NPFFR2: variants seen among roughly 807,000 people sequenced by gnomAD.
NPFFR2 encodes G-protein coupled receptor 74.
In NPFFR2, 15 loss-of-function variants were observed where a neutral mutation model predicts 13.1. The ratio of observed to expected loss-of-function variants is 1.15; its 90% CI spans 0.77 to 1.76. The LOEUF (loss-of-function observed/expected upper bound fraction) is 1.76, where lower values mean the gene tolerates loss of function less well. NPFFR2 is among the 40% of genes most tolerant of loss of function. The pLI is 0.00. For synonymous variants in NPFFR2, 190 were observed against 175.7 expected, an observed-to-expected ratio of 1.08 and a Z score of -0.65; for missense variants, 572 against 503.5, an observed-to-expected ratio of 1.14 and a Z score of -1.30.
At chr4:72,109,382 T>C (rs1265439374) in intron 1 of NPFFR2, among the ~76,000 whole-genome samples, 1 of 152,036 alleles carries the variant, frequency 6.6e-6, no homozygotes, top group Admixed American at 6.6e-5. Flanking sequence ...TCATGTAGTA[T>C]TTGTCCTTCT....
At chr4:72,098,462 GTT>G (rs34664869) in intron 1 of NPFFR2, among the ~76,000 whole-genome samples, 4 of 151,858 alleles carry the variant, frequency 2.6e-5, no homozygotes, top group African/African-American at 9.7e-5. Flanking sequence ...AATATTATGA[GTT>G]TTTTTTGTCA....
intron 2 of NPFFR2, among the ~76,000 whole-genome samples, chr4:72,129,815 C>CGAG (rs1560420456): frequency 2.9e-5 from 1 of 34,946 alleles, no homozygotes. Context: ...TCCCTTCCCA[C>CGAG]GAGGCCATAT....
At chr4:72,035,649 C>G (rs1279729787) in intron 1 of NPFFR2, among the ~76,000 whole-genome samples, 1 of 151,946 alleles carries the variant, frequency 6.6e-6, no homozygotes, top group African/African-American at 2.4e-5. Context: ...TGTATAATGA[C>G]CATCAGAATA....
At chr4:72,113,117 AT>A (rs1463912896) in intron 1 of NPFFR2, among the ~76,000 whole-genome samples, 2 of 152,064 alleles carry the variant, frequency 1.3e-5, no homozygotes, top group African/African-American at 4.8e-5. Context: ...TTATTTGTGT[AT>A]TTTTTGAGTA....
Position 72,133,422 on chromosome 4 carries a change from A to C in NPFFR2, c.328+4503A>C, listed in dbSNP as rs577801376. Among the ~76,000 whole-genome samples, 109 of 152,212 alleles carry C rather than the reference A, an allele frequency of 7.2e-4. 1 individual carries two copies. In the Middle Eastern group the frequency reaches 0.01, roughly 14 times the overall value. ...TTTCATTACCATAGCCTTGTGGTAT[A>C]GTTTGAAGTTGGGTAGCATAATGCC... On this transcript the variant is annotated intron_variant, in intron 2 of 3. Transcript: ENST00000308744.
At chr4:72,100,943 A>T (rs767453995) in intron 1 of NPFFR2, among the ~76,000 whole-genome samples, 2 of 151,954 alleles carry the variant, frequency 1.3e-5, no homozygotes, top group African/African-American at 4.8e-5. Flanking sequence ...CTTTCTATGC[A>T]TTTTCCATCA....
At position 72,032,013 on chromosome 4, in the gene NPFFR2, C is replaced by G. The variant is rs371571027; in HGVS notation, c.-195C>G. The stretch of plus-strand genomic sequence containing the variant: ...GGAGCGCAGAGCACTCAGCGTCCAG[C>G]AGCGCGGCGGGCCAGCCTGGAGCGG... On this transcript the variant is annotated 5_prime_UTR_variant, in exon 1 of 4. Transcript: ENST00000308744. 6.2e-7 allele frequency: 1 copy of G among 1,613,686 alleles called. No individual in the cohort carries two copies. The highest frequency in any genetic ancestry group is 8.5e-7 in the Non-Finnish European group (1 of 1,179,858).
At chr4:72,071,813 G>T (rs865802345) in intron 1 of NPFFR2, among the ~76,000 whole-genome samples, 1 of 152,094 alleles carries the variant, frequency 6.6e-6, no homozygotes, top group Non-Finnish European at 1.5e-5. Context: ...ATTGCTGCAA[G>T]CCCTTCCCCT....
In NPFFR2 at chr4:72,046,698, G is replaced by A. The variant is rs1403236285; in HGVS notation, c.-8+14498G>A. Among the ~76,000 whole-genome samples, 6 of 152,184 alleles carry A rather than the reference G, an allele frequency of 3.9e-5. No individual in the cohort carries two copies. In the South Asian group the frequency reaches 6.2e-4, roughly 16 times the overall value. On this transcript the variant is annotated intron_variant, in intron 1 of 3. Transcript: ENST00000308744. ...GTAGAGGCTGGAAGAATTTGGAGGA[G>A]CAGGCTAGAAAAAGCCTAGATTGCT...
intron 1 of NPFFR2, among the ~76,000 whole-genome samples, chr4:72,067,042 G>T (rs552241199): frequency 6.5e-4 from 17 of 26,264 alleles, no homozygotes; most frequent in African/African-American, 1.0e-3. Context: ...TTCAACACAT[G>T]AGCAACAGTC....
chr4:72,075,644 T>G (rs1239011896), intron 1 of NPFFR2, among the ~76,000 whole-genome samples: 1 of 151,984 alleles, frequency 6.6e-6, no homozygotes, highest in Admixed American at 6.6e-5. Flanking sequence ...TCTTCTCAGG[T>G]ACATGTAGGA....
At chr4:72,091,348 C>T (rs923157434) in intron 1 of NPFFR2, among the ~76,000 whole-genome samples, 13 of 152,092 alleles carry the variant, frequency 8.5e-5, no homozygotes, top group Middle Eastern at 6.8e-3. Flanking sequence ...CTTCATAGAA[C>T]GATTTAGGGA....
intron 1 of NPFFR2, among the ~76,000 whole-genome samples, chr4:72,124,102 C>T (rs2109830294): frequency 6.6e-6 from 1 of 152,278 alleles, no homozygotes; most frequent in Non-Finnish European, 1.5e-5. Flanking sequence ...AAATCACAAA[C>T]ATTCCTATAT....
At chr4:72,057,744 A>G (rs1719794452) in intron 1 of NPFFR2, among the ~76,000 whole-genome samples, 1 of 151,962 alleles carries the variant, frequency 6.6e-6, no homozygotes, top group Admixed American at 6.6e-5. Flanking sequence ...ATCTCCCACA[A>G]TATACTTATT....
chr4:72,143,429 C>T, intron 3 of NPFFR2, among the ~76,000 whole-genome samples: 1 of 152,096 alleles, frequency 6.6e-6, no homozygotes, highest in Non-Finnish European at 1.5e-5. Context: ...CTAGCTCAAG[C>T]AATGAGTCAG....
At chr4:72,066,151 A>G (rs542752470) in intron 1 of NPFFR2, among the ~76,000 whole-genome samples, 9 of 152,234 alleles carry the variant, frequency 5.9e-5, no homozygotes, top group Non-Finnish European at 1.0e-4. Context: ...TGCCTCCAAG[A>G]TGGCACCTTG....
chr4:72,094,131 C>T (rs1720988365), intron 1 of NPFFR2, among the ~76,000 whole-genome samples: 1 of 152,154 alleles, frequency 6.6e-6, no homozygotes, highest in Non-Finnish European at 1.5e-5. Context: ...AGCTGAGCTG[C>T]CAGGCTCCAC....
chr4:72,141,423 T>A (rs1336332802), intron 3 of NPFFR2, among the ~76,000 whole-genome samples: 1 of 152,234 alleles, frequency 6.6e-6, no homozygotes, highest in Non-Finnish European at 1.5e-5. Context: ...CTCTACACAC[T>A]GCTTTAAATG....
At chr4:72,094,813 T>A (rs1721015025) in intron 1 of NPFFR2, among the ~76,000 whole-genome samples, 1 of 152,186 alleles carries the variant, frequency 6.6e-6, no homozygotes, top group Non-Finnish European at 1.5e-5. Flanking sequence ...TCCATCCACT[T>A]CAAAAAGTCT....
Sources: gnomAD v4.1 joint callset for allele counts (sites outside exome capture counted in the v4.1 genomes callset) on GRCh38, gnomAD v4.1.1 for gene constraint, MANE v1.5 for transcripts, NCBI Gene and HGNC (gene_info 2026-07-23, HGNC 2026-07-21) for gene names.